The following TRIM5 variants were observed in gnomAD, a reference collection of about 807,000 sequenced individuals.
TRIM5 encodes tripartite motif-containing protein 5.
Under a neutral mutation model 35.6 loss-of-function variants are expected in TRIM5, and 31 were observed. The ratio of observed to expected loss-of-function variants is 0.87; its 90% confidence interval spans 0.65 to 1.18. TRIM5 has a LOEUF of 1.18. Among genes scored for constraint, TRIM5 ranks in the 50% most tolerant of loss-of-function variants. The pLI is 0.00. For missense variants in TRIM5, 609 were observed against 591.6 expected, an observed-to-expected ratio of 1.03 and a Z score of -0.31; for synonymous variants, 243 against 215.6, an observed-to-expected ratio of 1.13 and a Z score of -1.11.
chr11:5,643,823 C>A, the TRIM5 span: 1 of 1,370,988 alleles, frequency 7.3e-7, no homozygotes, highest in Non-Finnish European at 9.9e-7. Context: ...AGAACTTTTA[C>A]TCATCCTTGA....
the TRIM5 span, among the ~76,000 whole-genome samples, chr11:5,634,452 T>C: frequency 4.0e-5 from 6 of 149,658 alleles, no homozygotes; most frequent in African/African-American, 1.5e-4. Flanking sequence ...AAAAAATCGA[T>C]ATATAGATAA....
the TRIM5 span, among the ~76,000 whole-genome samples, chr11:5,614,230 A>G: frequency 6.6e-6 from 1 of 152,242 alleles, no homozygotes; most frequent in African/African-American, 2.4e-5. Context: ...ACAATCGGTC[A>G]TGAGTGTATG....
At chr11:5,612,878 A>ATAACT in the TRIM5 span, 1 of 152,238 alleles carries the variant, frequency 6.6e-6, no homozygotes, top group African/African-American at 2.4e-5. Context: ...TATCTCACTA[A>ATAACT]TAACTTTTCC....
At chr11:5,634,732 A>C in the TRIM5 span, 67 of 1,614,146 alleles carry the variant, frequency 4.2e-5, 1 homozygote, top group Admixed American at 6.7e-5. Flanking sequence ...GATTGGAAGA[A>C]GAAGAAAAGA....
At chr11:5,661,041 CAAAAAAAAAAAAAAAAAAAAAAAAAAAAA>C (rs61394016), downstream of TRIM5, among the ~76,000 whole-genome samples, 17 of 37,142 alleles carry the variant, frequency 4.6e-4, no homozygotes, top group South Asian at 1.6e-3. Flanking sequence ...GACTCCGTCT[CAAAAAAAAAAAAAAAAAAAAAAAAAAAAA>C]AAAAAAAAAA....
the TRIM5 span, chr11:5,634,492 T>C: frequency 1.3e-5 from 3 of 228,026 alleles, no homozygotes; most frequent in Non-Finnish European, 2.3e-5. Context: ...ATAATATAAA[T>C]ACACACACAC....
chr11:5,610,530 T>C, the TRIM5 span: 1 of 1,613,998 alleles, frequency 6.2e-7, no homozygotes, highest in Admixed American at 1.7e-5. Flanking sequence ...TTTTCATCAT[T>C]ACAGAGCTGA....
At chr11:5,589,994 C>T in the TRIM5 span, 2 of 155,830 alleles carry the variant, frequency 1.3e-5, no homozygotes, top group Non-Finnish European at 2.8e-5. Context: ...GCCCTGCCGG[C>T]CCGGGCAACG....
At chr11:5,634,799 G>A in the TRIM5 span, 1 of 1,613,744 alleles carries the variant, frequency 6.2e-7, no homozygotes, top group Non-Finnish European at 8.5e-7. Context: ...GAAGCAGTTG[G>A]TGAGAGAGCT....
chr11:5,643,052 A>G, the TRIM5 span: 1 of 1,297,856 alleles, frequency 7.7e-7, no homozygotes, highest in Non-Finnish European at 1.0e-6. Context: ...ATGTCACTAG[A>G]TAAACCTACT....
At chr11:5,605,304 C>G in the TRIM5 span, 1 of 1,613,222 alleles carries the variant, frequency 6.2e-7, no homozygotes, top group South Asian at 1.1e-5. Flanking sequence ...GTGTGACCGA[C>G]TAGCAGCCTC....
chr11:5,633,955 CA>C, the TRIM5 span: 38 of 1,588,592 alleles, frequency 2.4e-5, no homozygotes, highest in Non-Finnish European at 2.9e-5. Flanking sequence ...GACCTTAATC[CA>C]AGGAGGCCTC....
the TRIM5 span, chr11:5,611,002 T>G: frequency 6.2e-7 from 1 of 1,614,170 alleles, no homozygotes; most frequent in Non-Finnish European, 8.5e-7. Context: ...AGCAATTCAC[T>G]GGGACCTACA....
the TRIM5 span, among the ~76,000 whole-genome samples, chr11:5,609,791 C>T: frequency 2.6e-4 from 39 of 152,234 alleles, no homozygotes; most frequent in Admixed American, 2.2e-3. Context: ...GGCGTGGTGG[C>T]ACGCGCCTGT....
chr11:5,665,780 T>C (rs761768670), intron 6 of TRIM5, 98 bp from the exon 7 acceptor site: 12 of 1,442,050 alleles, frequency 8.3e-6, no homozygotes, highest in East Asian at 2.4e-5. Flanking sequence ...GTATGCCCTA[T>C]GGTAGGGCAG....
chr11:5,597,689 C>A, the TRIM5 span, among the ~76,000 whole-genome samples: 109 of 152,298 alleles, frequency 7.2e-4, no homozygotes, highest in Non-Finnish European at 1.4e-3. Context: ...CCAGCCTACA[C>A]CAGCCCCAGT....
the TRIM5 span, among the ~76,000 whole-genome samples, chr11:5,618,136 G>A: frequency 6.6e-6 from 1 of 152,274 alleles, no homozygotes; most frequent in East Asian, 1.9e-4. Context: ...AACAGAGACT[G>A]CTTGACCTGC....
the TRIM5 span, among the ~76,000 whole-genome samples, chr11:5,622,377 G>A: frequency 2.0e-5 from 3 of 151,838 alleles, no homozygotes; most frequent in South Asian, 2.1e-4. Flanking sequence ...CCCGGCAGGC[G>A]GAGCTTGTAG....
At chr11:5,611,499 G>A in the TRIM5 span, 2 of 693,224 alleles carry the variant, frequency 2.9e-6, no homozygotes, top group Non-Finnish European at 4.8e-6. Context: ...TGTCGCCCAG[G>A]CTGGAGTGCA....
Sources: allele counts gnomAD v4.1 joint callset (sites outside exome capture counted in the v4.1 genomes callset), GRCh38; gene constraint gnomAD v4.1.1; transcripts MANE v1.5; gene names NCBI Gene and HGNC (gene_info 2026-07-23, HGNC 2026-07-21).